The following WWC2 variants were observed in gnomAD, a reference collection of about 807,000 sequenced individuals.
The protein encoded by WWC2 is WW and C2 domain containing 2, also known as protein WWC2.
A neutral mutation model predicts 138.5 loss-of-function variants in WWC2; 101 were observed. That is an observed-to-expected ratio of 0.73 (90% CI 0.62 to 0.86). The LOEUF (loss-of-function observed/expected upper bound fraction) is 0.86. Ranked by LOEUF, WWC2 falls within the 40% of genes least tolerant of loss-of-function variation. The pLI, the probability that WWC2 is intolerant of heterozygous loss-of-function variation, is 0.00. For missense variants in WWC2, 1,420 were observed against 1,419.4 expected (o/e 1.00, Z -0.01); for synonymous variants, 558 against 538.4 (o/e 1.04, Z -0.50).
chr4:183,256,852 A>G (rs370948045), intron 9 of WWC2, among the ~76,000 whole-genome samples: 4 of 143,564 alleles, frequency 2.8e-5, no homozygotes, highest in Admixed American at 1.4e-4. Flanking sequence ...CTAGATGCAC[A>G]TGAATTTTCA....
intron 1 of WWC2, among the ~76,000 whole-genome samples, chr4:183,177,008 T>C (rs1320198915): frequency 1.3e-5 from 2 of 152,148 alleles, no homozygotes; most frequent in Admixed American, 1.3e-4. Flanking sequence ...ATTGAACACA[T>C]GTTGAATGAG....
intron 21 of WWC2, among the ~76,000 whole-genome samples, chr4:183,307,569 T>G (rs1470506419): frequency 6.6e-6 from 1 of 152,210 alleles, no homozygotes; most frequent in Non-Finnish European, 1.5e-5. Flanking sequence ...TATCCAACTA[T>G]ATAGAAAAAG....
Position 183,121,888 on chromosome 4 carries a change from C to T in WWC2, c.131+22266C>T, listed in dbSNP as rs138014722. Among the ~76,000 whole-genome samples the T allele has an allele frequency of 6.8e-3, 1,036 of 151,702 alleles. 13 individuals carry two copies. The highest frequency in any genetic ancestry group is 0.024 in the African/African-American group (974 of 41,316). Reference sequence around the variant, plus strand: ...GCAAGCTTCGCCTCCTGGGTGCACACCATTCTCCTGCCTCAGCTTCCCGAG... The same window carrying T: ...GCAAGCTTCGCCTCCTGGGTGCACATCATTCTCCTGCCTCAGCTTCCCGAG... On this transcript the variant is annotated intron_variant, in intron 1 of 22. Coordinates refer to ENST00000403733, the MANE Select transcript of WWC2 (RefSeq NM_024949.6).
chr4:183,270,705 A>T (rs1360666115), intron 15 of WWC2, among the ~76,000 whole-genome samples: 1 of 152,176 alleles, frequency 6.6e-6, no homozygotes, highest in Non-Finnish European at 1.5e-5. Flanking sequence ...TGGAGGTTGC[A>T]GTGAGCTGAG....
intron 4 of WWC2, among the ~76,000 whole-genome samples, chr4:183,237,731 A>AT (rs1214030632): frequency 5.9e-5 from 9 of 152,218 alleles, no homozygotes; most frequent in African/African-American, 1.7e-4. Context: ...ATGTTATTGA[A>AT]TATCTGCTTT....
At position 183,240,256 on chromosome 4, in the gene WWC2, T is replaced by G; in HGVS notation, c.596T>G (p.Leu199Trp). The G allele has an allele frequency of 6.4e-7, 1 of 1,550,422 alleles. No individual in the cohort carries two copies. The highest frequency in any genetic ancestry group is 1.4e-5 in the African/African-American group (1 of 73,100). ...TATAAAGAACAAGGCTTTGAAACAT[T>G]GCAGCAGTGAGTATGAAAAGACTGA... ...LLYKEQGFET[L>W]QQIDKKMSGG... The change falls in exon 5 of 23, where the codon TTG becomes TGG. Residue 199 changes from leucine (L) to tryptophan (W), a missense_variant. Leu to Trp is a moderately conservative substitution (Grantham distance 61). Transcript: ENST00000403733.
At chr4:183,260,305 T>G (rs1242373661) in intron 10 of WWC2, among the ~76,000 whole-genome samples, 1 of 152,226 alleles carries the variant, frequency 6.6e-6, no homozygotes, top group East Asian at 1.9e-4. Context: ...GGTATTTGAT[T>G]CCTTTTATTT....
intron 1 of WWC2, among the ~76,000 whole-genome samples, chr4:183,162,202 A>G (rs1187890167): frequency 6.6e-6 from 1 of 150,458 alleles, no homozygotes; most frequent in Non-Finnish European, 1.5e-5. Context: ...GTTTTTTTTT[A>G]CAAAGAAACA....
At chr4:183,179,061 T>A (rs577001500) in intron 1 of WWC2, among the ~76,000 whole-genome samples, 13 of 152,232 alleles carry the variant, frequency 8.5e-5, no homozygotes, top group East Asian at 3.9e-4. Flanking sequence ...AAACAAAATT[T>A]AAAAAAACTT....
chr4:183,127,011 A>G (rs1732780903), intron 1 of WWC2, among the ~76,000 whole-genome samples: 3 of 151,836 alleles, frequency 2.0e-5, no homozygotes, highest in African/African-American at 7.2e-5. Context: ...TGCTGGGATT[A>G]TAGGCATAAG....
intron 1 of WWC2, among the ~76,000 whole-genome samples, chr4:183,128,978 C>T (rs1405264941): frequency 6.6e-6 from 1 of 152,098 alleles, no homozygotes; most frequent in Non-Finnish European, 1.5e-5. Context: ...ACTGTATTGC[C>T]TGGTGGACAT....
chr4:183,251,487 A>T (rs541273399), intron 8 of WWC2, among the ~76,000 whole-genome samples: 8 of 152,320 alleles, frequency 5.3e-5, no homozygotes, highest in Non-Finnish European at 1.0e-4. Context: ...AGTGAATTTT[A>T]TCTGGAGCTC....
intron 21 of WWC2, among the ~76,000 whole-genome samples, chr4:183,306,531 TA>T (rs1397206106): frequency 1.3e-5 from 2 of 151,960 alleles, no homozygotes; most frequent in African/African-American, 4.8e-5. Flanking sequence ...AAGTATGACA[TA>T]ATGAATAATA....
At chr4:183,298,524 T>C (rs1738715220) in intron 21 of WWC2, among the ~76,000 whole-genome samples, 3 of 152,216 alleles carry the variant, frequency 2.0e-5, no homozygotes. Context: ...GATGCTGTTG[T>C]GGCTTCACTT....
chr4:183,149,029 T>C (rs1579987721), intron 1 of WWC2, among the ~76,000 whole-genome samples: 1 of 152,102 alleles, frequency 6.6e-6, no homozygotes, highest in Non-Finnish European at 1.5e-5. Context: ...TAATGGATAA[T>C]CTGGAATTAC....
chr4:183,284,323 T>A lies in WWC2; in HGVS notation c.2981T>A (p.Val994Glu). The A allele has an allele frequency of 6.2e-7, 1 of 1,613,962 alleles. No individual in the cohort carries two copies. Among genetic ancestry groups the A allele is most frequent in the Non-Finnish European group, 8.5e-7 (1 of 1,179,882 alleles). Residue 994 changes from valine to glutamate, a missense_variant, in exon 19 of 23, where the codon GTG (valine) becomes GAG (glutamate). Physicochemically the swap from Val to Glu is moderately radical, Grantham distance 121. Transcript: ENST00000403733. ...CTGAGCTCTAGACAGCATCCGTTTG[T>A]GAGGAGCAGTGTGATAGTGCGCTCA... Reference protein sequence around the residue: ...SSLSSRQHPFVRSSVIVRSQT... With the variant: ...SSLSSRQHPFERSSVIVRSQT...
rs1739445313 is a variant in WWC2 at position 183,316,470 on chromosome 4, C to G, written c.*741C>G. 6.6e-6 allele frequency: 1 copy of G among 152,216 alleles called. No homozygotes were observed. The allele number at this position is 152,216 out of a possible 1,614,324, so 9.4% of individuals were successfully genotyped here. A position where few individuals can be genotyped will look rare whatever the true frequency, so the allele number is the denominator to read the frequency against. On this transcript the variant is annotated 3_prime_UTR_variant, in exon 23 of 23. Coordinates refer to ENST00000403733, the MANE Select transcript of WWC2 (RefSeq NM_024949.6). The stretch of plus-strand genomic sequence containing the variant: ...GGGAGAAGAAAGAACACCAGCCACG[C>G]AGAGATACAAATAAGCTCATCAAAT...
In WWC2 at chr4:183,265,727, T is replaced by C. The variant is rs760062442; in HGVS notation, c.2079T>C (p.Asp693=). ...EMEDVTYSEE[D]VAIVETAQVQ... ...AAGATGTCACATACAGTGAAGAGGA[T>C]GTAGCCATTGTAGAGACCGCCCAGG... Residue 693 remains aspartate, a synonymous_variant, in exon 13 of 23, where the codon GAT becomes GAC. Coordinates refer to ENST00000403733, the MANE Select transcript of WWC2 (RefSeq NM_024949.6). 2.5e-6 allele frequency: 4 copies of C among 1,611,764 alleles called. No homozygotes were observed. In the East Asian group the frequency reaches 8.9e-5, roughly 36 times the overall value.
At chr4:183,304,536 C>T (rs1267732860) in intron 21 of WWC2, among the ~76,000 whole-genome samples, 2 of 152,158 alleles carry the variant, frequency 1.3e-5, no homozygotes, top group Non-Finnish European at 2.9e-5. Flanking sequence ...GGCCTGCCCT[C>T]AGGAGAAACT....
Sources: allele counts gnomAD v4.1 joint callset (sites outside exome capture counted in the v4.1 genomes callset), GRCh38; gene constraint gnomAD v4.1.1; transcripts MANE v1.5; gene names NCBI Gene and HGNC (gene_info 2026-07-23, HGNC 2026-07-21).